The following AEBP2 variants were observed in gnomAD, a reference collection of about 807,000 sequenced individuals.
AEBP2 encodes the protein zinc finger protein AEBP2.
AEBP2 carries 10 observed loss-of-function variants against 50.8 expected under a neutral mutation model. That is an observed-to-expected ratio of 0.20 (90% CI 0.12 to 0.33). AEBP2 has a LOEUF of 0.33. AEBP2 is among the 10% of genes least tolerant of loss of function. The pLI is 1.00. For synonymous variants in AEBP2, 296 were observed against 261.3 expected, an observed-to-expected ratio of 1.13 and a Z score of -1.28; for missense variants, 570 against 688.0, an observed-to-expected ratio of 0.83 and a Z score of 1.92.
At chr12:19,499,588 T>C (rs1432926196) in intron 4 of AEBP2, among the ~76,000 whole-genome samples, 3 of 143,552 alleles carry the variant, frequency 2.1e-5, no homozygotes, top group Non-Finnish European at 4.5e-5. Flanking sequence ...CACTTCAGCC[T>C]GGGTGAAGGA....
intron 5 of AEBP2, among the ~76,000 whole-genome samples, chr12:19,506,112 T>C (rs370413592): frequency 2.5e-4 from 38 of 151,624 alleles, no homozygotes; most frequent in African/African-American, 9.2e-4. Context: ...ATAATATCTT[T>C]TTGAGACAGA....
chr12:19,515,788 GTTTTCCC>G (rs1189921399), intron 7 of AEBP2, among the ~76,000 whole-genome samples: 7 of 152,260 alleles, frequency 4.6e-5, no homozygotes, highest in African/African-American at 1.7e-4. Context: ...TAGAAGCATA[GTTTTCCC>G]TATTACAATA....
chr12:19,407,106 A>G (rs2095736705), intron 1 of AEBP2, among the ~76,000 whole-genome samples: 1 of 152,140 alleles, frequency 6.6e-6, no homozygotes, highest in East Asian at 1.9e-4. Context: ...ATTTGAGAAC[A>G]TTATGAACAA....
chr12:19,444,824 C>T (rs1200135757), intron 1 of AEBP2, among the ~76,000 whole-genome samples: 5 of 152,128 alleles, frequency 3.3e-5, no homozygotes, highest in African/African-American at 1.2e-4. Context: ...AACATAATAT[C>T]TTGGGTGTGG....
At chr12:19,429,415 G>A (rs1592709320) in intron 1 of AEBP2, among the ~76,000 whole-genome samples, 1 of 152,208 alleles carries the variant, frequency 6.6e-6, no homozygotes, top group African/African-American at 2.4e-5. Context: ...CTTTGCTATT[G>A]TGAATAGTGC....
chr12:19,457,475 C>G lies in AEBP2; in HGVS notation c.672-5035C>G, dbSNP rs542235073. 789 of 1,508,632 alleles carry G rather than the reference C, an allele frequency of 5.2e-4. 13 individuals carry two copies. In the South Asian group the frequency reaches 9.3e-3, roughly 18 times the overall value. The allele number at this position is 1,508,632 out of a possible 1,614,324, so 93.5% of individuals were successfully genotyped here. On this transcript the variant is annotated intron_variant, in intron 1 of 7. Transcript: ENST00000266508. ...GCTCAGCTTTCAGTTTATCCAAGAC[C>G]CAGGCCTACTTGAAGGAGCCCTTTC...
chr12:19,452,961 C>CTTTTT lies in AEBP2; in HGVS notation c.672-9531_672-9527dup, dbSNP rs34876719. Among the ~76,000 whole-genome samples, 606 of 106,760 alleles carry CTTTTT rather than the reference C, an allele frequency of 5.7e-3. 3 individuals carry two copies. Among genetic ancestry groups the CTTTTT allele is most frequent in the Non-Finnish European group, 7.9e-3 (433 of 54,910 alleles). The allele number at this position is 106,760 out of a possible 152,430, so 70.0% of individuals were successfully genotyped here. A position where few individuals can be genotyped will look rare whatever the true frequency, so the allele number is the denominator to read the frequency against. On this transcript the variant is annotated intron_variant, in intron 1 of 7. Coordinates refer to ENST00000266508, the MANE Select transcript of AEBP2 (RefSeq NM_153207.5). ...TGAAAAACTATTATAGACTTACGTT[C>CTTTTT]TTTTTTTTTTTTTTTTTTTTTTGAG...
chr12:19,515,897 C>T (rs1012461018), intron 7 of AEBP2, among the ~76,000 whole-genome samples: 5 of 151,954 alleles, frequency 3.3e-5, no homozygotes, highest in East Asian at 3.9e-4. Flanking sequence ...TCTAGGAGTT[C>T]GAGACCAGCC....
At chr12:19,501,214 C>G (rs1268481391) in intron 5 of AEBP2, among the ~76,000 whole-genome samples, 1 of 151,780 alleles carries the variant, frequency 6.6e-6, no homozygotes, top group Non-Finnish European at 1.5e-5. Context: ...ATCTGCAATC[C>G]CAGTTACTTG....
chr12:19,457,686 C>T, intron 1 of AEBP2: 2 of 1,245,920 alleles, frequency 1.6e-6, no homozygotes, highest in Non-Finnish European at 2.1e-6. Flanking sequence ...CACCTGTGTT[C>T]TGGCGGCAAA....
At chr12:19,511,230 G>T (rs1251006099) in intron 5 of AEBP2, among the ~76,000 whole-genome samples, 1 of 152,060 alleles carries the variant, frequency 6.6e-6, no homozygotes, top group African/African-American at 2.4e-5. Flanking sequence ...TTTTACTGTT[G>T]TGTGCCCAGC....
chr12:19,482,702 G>A (rs893267484), intron 3 of AEBP2, among the ~76,000 whole-genome samples: 1 of 152,206 alleles, frequency 6.6e-6, no homozygotes, highest in Non-Finnish European at 1.5e-5. Flanking sequence ...ATACCATCAG[G>A]TGGGAGCAGG....
chr12:19,437,155 C>T (rs545486373), upstream of AEBP2, among the ~76,000 whole-genome samples: 4 of 152,244 alleles, frequency 2.6e-5, no homozygotes, highest in East Asian at 3.9e-4. Flanking sequence ...GAGGTCAAGA[C>T]GAATCTGGAC....
At chr12:19,514,822 T>G in intron 7 of AEBP2, 38 bp downstream of exon 7, 1 of 1,507,710 alleles carries the variant, frequency 6.6e-7, no homozygotes, top group Non-Finnish European at 9.0e-7. Context: ...ACTTTTTGAT[T>G]TGTAATTTTC....
At chr12:19,489,560 T>C (rs1235796180) in intron 3 of AEBP2, among the ~76,000 whole-genome samples, 1 of 152,218 alleles carries the variant, frequency 6.6e-6, no homozygotes, top group East Asian at 1.9e-4. Context: ...CGGTTTCTTT[T>C]TCATCAGAAC....
intron 1 of AEBP2, among the ~76,000 whole-genome samples, chr12:19,413,881 T>G (rs7976008): frequency 5.3e-5 from 8 of 151,876 alleles, no homozygotes; most frequent in African/African-American, 9.7e-5. Context: ...AAGGTTTTTT[T>G]TTTGTTTGTT....
intron 2 of AEBP2, 140 bp downstream of exon 2, chr12:19,462,857 A>G: frequency 1.3e-6 from 1 of 751,520 alleles, no homozygotes; most frequent in Non-Finnish European, 2.1e-6. Context: ...ATTTTTAATA[A>G]TTATTTCCCA....
At chr12:19,463,595 A>G (rs949560392) in intron 2 of AEBP2, among the ~76,000 whole-genome samples, 13 of 149,048 alleles carry the variant, frequency 8.7e-5, no homozygotes, top group Non-Finnish European at 1.9e-4. Context: ...AGAGTATAGT[A>G]TTGATCTTTT....
intron 5 of AEBP2, chr12:19,509,270 T>G: frequency 3.7e-6 from 1 of 272,796 alleles, no homozygotes; most frequent in Non-Finnish European, 7.2e-6. Flanking sequence ...GCAACTTTTT[T>G]AAGTAATAAA....
Sources: allele counts gnomAD v4.1 joint callset (sites outside exome capture counted in the v4.1 genomes callset), GRCh38; gene constraint gnomAD v4.1.1; transcripts MANE v1.5; gene names NCBI Gene and HGNC (gene_info 2026-07-23, HGNC 2026-07-21).